The following LNX1 variants were observed in gnomAD, a reference collection of about 807,000 sequenced individuals.
LNX1 encodes the protein E3 ubiquitin-protein ligase LNX.
In LNX1, 54 loss-of-function variants were observed where a neutral mutation model predicts 68.4. That is an observed-to-expected ratio of 0.79 (90% CI 0.63 to 0.99). The LOEUF (loss-of-function observed/expected upper bound fraction) is 0.99, where lower values mean the gene tolerates loss of function less well. Ranked by LOEUF, LNX1 falls within the 50% of genes least tolerant of loss-of-function variation. LNX1 has a pLI of 0.00. For synonymous variants in LNX1, 336 were observed against 350.0 expected (o/e 0.96, Z 0.45); for missense variants, 906 against 926.4 (o/e 0.98, Z 0.29).
intron 2 of LNX1, among the ~76,000 whole-genome samples, chr4:53,511,406 A>G (rs774476329): frequency 2.0e-5 from 3 of 152,180 alleles, no homozygotes; most frequent in Non-Finnish European, 4.4e-5. Flanking sequence ...AGCAAGGAGG[A>G]TTTATGCTTC....
chr4:53,513,104 AT>A (rs5858218), intron 2 of LNX1, among the ~76,000 whole-genome samples: 142,879 of 150,892 alleles, frequency 0.95, 67,995 homozygotes, highest in Non-Finnish European at 1. Flanking sequence ...CATACCAACA[AT>A]TTTTTTTTTT....
chr4:53,573,477 T>C, intron 2 of LNX1, 146 bp downstream of exon 2: 1 of 611,230 alleles, frequency 1.6e-6, no homozygotes, highest in Non-Finnish European at 2.9e-6. Flanking sequence ...TTCCTCACAC[T>C]GAATCATGAC....
chr4:53,526,024 C>T (rs1465140765), intron 2 of LNX1, among the ~76,000 whole-genome samples: 1 of 152,048 alleles, frequency 6.6e-6, no homozygotes, highest in Non-Finnish European at 1.5e-5. Context: ...TATTGACATT[C>T]AATTTTTTAA....
chr4:53,608,915 G>T (rs1256754850), intron 2 of LNX1, among the ~76,000 whole-genome samples: 1 of 152,080 alleles, frequency 6.6e-6, no homozygotes, highest in African/African-American at 2.4e-5. Flanking sequence ...TATTGAGTAC[G>T]TGTGTACACA....
chr4:53,535,871 A>T (rs532702843), intron 2 of LNX1, among the ~76,000 whole-genome samples: 11 of 152,268 alleles, frequency 7.2e-5, no homozygotes, highest in African/African-American at 2.6e-4. Context: ...TCTACATTTG[A>T]TATGACCCCT....
intron 2 of LNX1, among the ~76,000 whole-genome samples, chr4:53,517,504 C>A (rs1364910460): frequency 3.9e-5 from 6 of 152,176 alleles, no homozygotes; most frequent in Non-Finnish European, 7.3e-5. Flanking sequence ...AATACAACTT[C>A]TATTCATAGA....
rs990028842 is a variant in LNX1, at chr4:53,471,093, C to G, written c.1892+5660G>C. Among the ~76,000 whole-genome samples, 18 of 112,368 alleles carry G rather than the reference C, an allele frequency of 1.6e-4. 1 individual carries two copies. Among genetic ancestry groups the G allele is most frequent in the African/African-American group, 6.0e-4 (18 of 29,938 alleles). 73.7% of individuals were successfully genotyped at this position (112,368 alleles called of 152,430 possible). Reference sequence around the variant, plus strand: ...TCGCACTACCTGACTTCAAACTATACTACAAGGCTACAGTAACCAAAACAG... The same window carrying G: ...TCGCACTACCTGACTTCAAACTATAGTACAAGGCTACAGTAACCAAAACAG... On this transcript the variant is annotated intron_variant, in intron 9 of 10. Coordinates refer to ENST00000263925, the MANE Select transcript of LNX1 (RefSeq NM_001126328.3).
intron 1 of LNX1, among the ~76,000 whole-genome samples, chr4:53,643,936 C>G (rs962849605): frequency 7.2e-5 from 11 of 152,148 alleles, no homozygotes; most frequent in Non-Finnish European, 1.6e-4. Flanking sequence ...AAGCACCTTG[C>G]CAGCTGTGTT....
At chr4:53,514,598 C>T (rs4864464) in intron 2 of LNX1, among the ~76,000 whole-genome samples, 146,146 of 152,252 alleles carry the variant, frequency 0.96, 70,428 homozygotes, top group East Asian at 1. Flanking sequence ...GATCTCCAAC[C>T]GGGTCCCTCC....
At chr4:53,488,821 T>C (rs1724495576) in intron 6 of LNX1, among the ~76,000 whole-genome samples, 1 of 152,062 alleles carries the variant, frequency 6.6e-6, no homozygotes, top group Admixed American at 6.5e-5. Context: ...AACCGAATGA[T>C]ATGCTAGAAA....
intron 2 of LNX1, among the ~76,000 whole-genome samples, chr4:53,523,840 T>C (rs1727420616): frequency 6.6e-6 from 1 of 152,200 alleles, no homozygotes; most frequent in African/African-American, 2.4e-5. Flanking sequence ...GAAGCCTCCA[T>C]TCACACTGTC....
chr4:53,626,571 T>C (rs1734081476), intron 1 of LNX1, among the ~76,000 whole-genome samples: 3 of 152,198 alleles, frequency 2.0e-5, no homozygotes, highest in Admixed American at 2.0e-4. Flanking sequence ...GGCTTCAGTG[T>C]AGAGAACAGC....
At chr4:53,552,844 A>AG (rs943193298) in intron 2 of LNX1, among the ~76,000 whole-genome samples, 25 of 151,746 alleles carry the variant, frequency 1.6e-4, no homozygotes, top group African/African-American at 5.8e-4. Flanking sequence ...AAAAAAAAAA[A>AG]AGACTTAAAT....
At chr4:53,593,990 C>T (rs1208016617), upstream of LNX1, 1 of 151,760 alleles carries the variant, frequency 6.6e-6, no homozygotes, top group Non-Finnish European at 1.5e-5. Flanking sequence ...CACTGGGACA[C>T]TTCCTGGACA....
At chr4:53,514,843 G>C (rs1726643106) in intron 2 of LNX1, among the ~76,000 whole-genome samples, 2 of 152,082 alleles carry the variant, frequency 1.3e-5, no homozygotes, top group Admixed American at 1.3e-4. Flanking sequence ...CCATGAACAA[G>C]GCATGGAACT....
At chr4:53,631,935 G>C (rs2616425) in intron 1 of LNX1, among the ~76,000 whole-genome samples, 27,081 of 151,962 alleles carry the variant, frequency 0.18, 2,869 homozygotes, top group Admixed American at 0.28. Context: ...AAAATTTTAA[G>C]TAAAATCTGC....
chr4:53,468,606 CAG>C lies in LNX1; in HGVS notation c.1893-7015_1893-7014del, dbSNP rs1442291914. Among the ~76,000 whole-genome samples the C allele has an allele frequency of 2.6e-5, 4 of 152,254 alleles. No individual in the cohort carries two copies. The East Asian group carries it at 7.7e-4, about 29-fold the overall frequency. ...GTATTCAGGAAACCCATCTCAAGTG[CAG>C]AGACACACATAGGCTCAAATAAAGG... On this transcript the variant is annotated intron_variant, in intron 9 of 10. Transcript: ENST00000263925.
chr4:53,608,381 T>C (rs1733315706), intron 2 of LNX1, among the ~76,000 whole-genome samples: 1 of 152,116 alleles, frequency 6.6e-6, no homozygotes, highest in Non-Finnish European at 1.5e-5. Context: ...CATCACTGAT[T>C]ACAGAGAAAT....
intron 9 of LNX1, among the ~76,000 whole-genome samples, chr4:53,466,333 A>C (rs539684027): frequency 1.3e-5 from 2 of 152,338 alleles, no homozygotes; most frequent in Non-Finnish European, 2.9e-5. Flanking sequence ...TTAAAATTTA[A>C]ATGATCGTAA....
Sources: gnomAD v4.1 joint callset for allele counts (sites outside exome capture counted in the v4.1 genomes callset) on GRCh38, gnomAD v4.1.1 for gene constraint, MANE v1.5 for transcripts, NCBI Gene and HGNC (gene_info 2026-07-23, HGNC 2026-07-21) for gene names.